Variants in GTPBP1 observed in about 807,000 individuals in gnomAD.
GTPBP1 encodes the protein GTP binding protein 1, also known as GTP-binding protein 1.
Under a neutral mutation model 62.0 loss-of-function variants are expected in GTPBP1, and 23 were observed. That is an observed-to-expected ratio of 0.37 (90% CI 0.27 to 0.53). GTPBP1 has a LOEUF of 0.53. Among genes scored for constraint, GTPBP1 ranks in the 20% least tolerant of loss-of-function variants. The pLI, the probability that GTPBP1 is intolerant of heterozygous loss-of-function variation, is 0.89. For missense variants in GTPBP1, 640 were observed against 917.3 expected (o/e 0.70, Z 3.90); for synonymous variants, 344 against 364.4 (o/e 0.94, Z 0.64).
intron 2 of GTPBP1, among the ~76,000 whole-genome samples, chr22:38,709,290 C>G (rs1429022926): frequency 6.6e-6 from 1 of 150,614 alleles, no homozygotes; most frequent in African/African-American, 2.5e-5. Flanking sequence ...GAAACTCTGT[C>G]TCAAAAAAAA....
chr22:38,738,241 C>T, downstream of GTPBP1: 1 of 1,613,914 alleles, frequency 6.2e-7, no homozygotes, highest in Non-Finnish European at 8.5e-7. The surrounding 1 kb of genome is among the most constrained non-coding windows in gnomAD (Gnocchi z 6.6). Context: ...AGTGTCCCCT[C>T]CTGCTGCAGG....
At chr22:38,718,732 T>A (rs1479438805) in intron 4 of GTPBP1, among the ~76,000 whole-genome samples, 1 of 152,210 alleles carries the variant, frequency 6.6e-6, no homozygotes, top group Non-Finnish European at 1.5e-5. Context: ...TTCTTTCAAA[T>A]TTTCTTCTGG....
At chr22:38,738,879 G>A, downstream of GTPBP1, 6 of 1,603,636 alleles carry the variant, frequency 3.7e-6, no homozygotes, top group Non-Finnish European at 5.1e-6. The surrounding 1 kb of genome is among the most constrained non-coding windows in gnomAD (Gnocchi z 6.6). Flanking sequence ...CCACCTGGAG[G>A]ATGACTCGGG....
chr22:38,739,861 T>A, downstream of GTPBP1: 1 of 1,613,570 alleles, frequency 6.2e-7, no homozygotes, highest in South Asian at 1.1e-5. The surrounding 1 kb of genome is among the most constrained non-coding windows in gnomAD (Gnocchi z 6.7). Context: ...AGCTTGCATC[T>A]CCTCTCTCTG....
intron 10 of GTPBP1, 96 bp downstream of exon 10, chr22:38,728,257 A>C: frequency 2.3e-6 from 2 of 860,188 alleles, no homozygotes; most frequent in Non-Finnish European, 3.7e-6. Context: ...AGTCACTGCC[A>C]TGGGAGAGCT....
chr22:38,728,961 C>T (rs534936235), intron 10 of GTPBP1: 4 of 153,202 alleles, frequency 2.6e-5, no homozygotes, highest in South Asian at 4.1e-4. Context: ...TTGGTCTCTT[C>T]GGGAGGCCCT....
chr22:38,717,590 G>A (rs1238956875), intron 4 of GTPBP1, among the ~76,000 whole-genome samples: 2 of 152,204 alleles, frequency 1.3e-5, no homozygotes, highest in Non-Finnish European at 2.9e-5. Flanking sequence ...GCTTAGGGTC[G>A]AGCGTGATTA....
At chr22:38,729,914 A>C (rs2092747821) in intron 11 of GTPBP1, among the ~76,000 whole-genome samples, 1 of 152,258 alleles carries the variant, frequency 6.6e-6, no homozygotes, top group Non-Finnish European at 1.5e-5. Context: ...TTAATGAAAT[A>C]AAATAGAACA....
rs780888483 is a variant in GTPBP1 at position 38,721,915 on chromosome 22, C to G, written c.958+50C>G. 1.0e-5 allele frequency: 15 copies of G among 1,455,360 alleles called. 1 individual carries two copies. In the Middle Eastern group the frequency reaches 2.7e-3, roughly 265 times the overall value. The allele number at this position is 1,455,360 out of a possible 1,614,324, so 90.2% of individuals were successfully genotyped here. A position where few individuals can be genotyped will look rare whatever the true frequency, so the allele number is the denominator to read the frequency against. ...CAGCCCCTCTGATTGGGGCTGTCAC[C>G]TGCTGTGCCTTCAGGTGGTCTGCTA... On this transcript the variant is annotated intron_variant, in intron 5 of 11. Transcript: ENST00000216044.
chr22:38,740,365 C>T (rs376340507), downstream of GTPBP1: 70 of 1,578,638 alleles, frequency 4.4e-5, no homozygotes, highest in African/African-American at 3.2e-4. This position sits in a 1 kb window ranked among gnomAD's most constrained non-coding sequence, Gnocchi z 4.8. Flanking sequence ...TGCTGCAGGC[C>T]GGCCAGCTGG....
intron 4 of GTPBP1, 73 bp downstream of exon 4, chr22:38,717,073 A>G: frequency 1.1e-6 from 1 of 941,390 alleles, no homozygotes; most frequent in Non-Finnish European, 1.7e-6. Context: ...CAAGTCTGAA[A>G]CTGTTCTGAG....
At chr22:38,718,357 G>A (rs2092681860) in intron 4 of GTPBP1, among the ~76,000 whole-genome samples, 1 of 152,126 alleles carries the variant, frequency 6.6e-6, no homozygotes, top group South Asian at 2.1e-4. Flanking sequence ...TGGACAAAAT[G>A]TTACATATAT....
At position 38,733,018 on chromosome 22, in the gene GTPBP1, A is replaced by T. The variant is rs1470576153; in HGVS notation, c.*2314A>T. 6.6e-6 allele frequency: 1 copy of T among 152,194 alleles called. No individual in the cohort carries two copies. The highest frequency in any genetic ancestry group is 2.4e-5 in the African/African-American group (1 of 41,424). The allele number at this position is 152,194 out of a possible 1,614,324, so 9.4% of individuals were successfully genotyped here. A position where few individuals can be genotyped will look rare whatever the true frequency, so the allele number is the denominator to read the frequency against. Reference sequence around the variant, plus strand: ...CTGTTCTATTTTTCTAGTTAAGGGAACTGAAGCTCAGAGAGGTGTCACCAG... The same window carrying T: ...CTGTTCTATTTTTCTAGTTAAGGGATCTGAAGCTCAGAGAGGTGTCACCAG... On this transcript the variant is annotated 3_prime_UTR_variant, in exon 12 of 12. Transcript: ENST00000216044.
downstream of GTPBP1, among the ~76,000 whole-genome samples, chr22:38,733,887 G>A (rs922946129): frequency 2.6e-5 from 4 of 152,244 alleles, no homozygotes; most frequent in African/African-American, 7.2e-5. Context: ...CCCAGCCCAG[G>A]CTCTGGACTC....
Position 38,716,616 on chromosome 22 carries a change from A to T in GTPBP1, c.486-36A>T, listed in dbSNP as rs1389360009. 6.8e-7 allele frequency: 1 copy of T among 1,465,206 alleles called. No individual in the cohort carries two copies. The highest frequency in any genetic ancestry group is 2.3e-5 in the East Asian group (1 of 42,574). The allele number at this position is 1,465,206 out of a possible 1,614,324, so 90.8% of individuals were successfully genotyped here. A position where few individuals can be genotyped will look rare whatever the true frequency, so the allele number is the denominator to read the frequency against. The stretch of plus-strand genomic sequence containing the variant: ...GTCGCTCCACCTCACTCATTCACTA[A>T]CTCTCACATAGATGTATGGGTTCAT... On this transcript the variant is annotated intron_variant, in intron 3 of 11. Transcript: ENST00000216044. This position sits in a 1 kb window ranked among gnomAD's most constrained non-coding sequence, Gnocchi z 5.2.
intron 5 of GTPBP1, among the ~76,000 whole-genome samples, chr22:38,722,148 G>C (rs377340874): frequency 1.3e-5 from 2 of 152,096 alleles, no homozygotes; most frequent in African/African-American, 4.8e-5. Context: ...GACAAAGTTA[G>C]CTAATGAATA....
At chr22:38,739,030 GGA>G (rs543880950), downstream of GTPBP1, 171 of 1,561,128 alleles carry the variant, frequency 1.1e-4, 1 homozygote, top group African/African-American at 2.2e-3. The surrounding 1 kb of genome is among the most constrained non-coding windows in gnomAD (Gnocchi z 6.7). Context: ...CCGCACGGGA[GGA>G]GGGCCCCGCT....
At chr22:38,710,113 G>T (rs2092629773) in intron 2 of GTPBP1, among the ~76,000 whole-genome samples, 1 of 152,236 alleles carries the variant, frequency 6.6e-6, no homozygotes, top group African/African-American at 2.4e-5. Context: ...GCCCAGGTGG[G>T]CCTGGATGCA....
chr22:38,718,678 C>A (rs1343913379), intron 4 of GTPBP1, among the ~76,000 whole-genome samples: 1 of 152,178 alleles, frequency 6.6e-6, no homozygotes, highest in Non-Finnish European at 1.5e-5. Flanking sequence ...CTCCGTGACA[C>A]ACTGGAATGG....
Sources: allele counts gnomAD v4.1 joint callset (sites outside exome capture counted in the v4.1 genomes callset), GRCh38; gene constraint gnomAD v4.1.1; non-coding constraint Gnocchi (gnomAD v3.1); transcripts MANE v1.5; gene names NCBI Gene and HGNC (gene_info 2026-07-23, HGNC 2026-07-21).